Variants in STIM1 observed in about 807,000 individuals in gnomAD.
STIM1 encodes stromal interaction molecule 1.
A neutral mutation model predicts 74.7 loss-of-function variants in STIM1; 25 were observed. The observed-to-expected ratio is 0.33, with a 90% CI of 0.24 to 0.47. STIM1 has a LOEUF of 0.47. Ranked by LOEUF, STIM1 falls within the 20% of genes least tolerant of loss-of-function variation. The pLI is 1.00. For missense variants in STIM1, 728 were observed against 920.8 expected (o/e 0.79, Z 2.71); for synonymous variants, 328 against 348.8 (o/e 0.94, Z 0.66).
chr11:3,855,992 C>T lies in STIM1; in HGVS notation c.-279C>T. ...TGCGGAGCTGACAGCAGCCCCGCAG[C>T]CACCCTGCCCGAAGTCTCCGGAAGC... On this transcript the variant is annotated 5_prime_UTR_variant, in exon 1 of 13. Transcript: ENST00000526596. The T allele has an allele frequency of 2.0e-6, 1 of 504,944 alleles. No homozygotes were observed. Among genetic ancestry groups the T allele is most frequent in the Non-Finnish European group, 3.6e-6 (1 of 276,082 alleles). 31.3% of individuals were successfully genotyped at this position (504,944 alleles called of 1,614,324 possible). A position where few individuals can be genotyped will look rare whatever the true frequency, so the allele number is the denominator to read the frequency against.
intron 1 of STIM1, among the ~76,000 whole-genome samples, chr11:3,909,441 G>A (rs1342393988): frequency 6.6e-6 from 1 of 152,172 alleles, no homozygotes; most frequent in East Asian, 1.9e-4. Context: ...GCTTATGAGA[G>A]ACCCAGGCAG....
intron 12 of STIM1, among the ~76,000 whole-genome samples, chr11:4,087,708 AAC>A (rs2133247386): frequency 6.6e-6 from 1 of 151,700 alleles, no homozygotes; most frequent in East Asian, 1.9e-4. Flanking sequence ...GAATTTGGAA[AAC>A]ATTCCAGTAG....
intron 2 of STIM1, among the ~76,000 whole-genome samples, chr11:4,017,043 C>G (rs909989439): frequency 6.6e-6 from 1 of 152,210 alleles, no homozygotes. Flanking sequence ...AAGGCAATGC[C>G]CCACCCTGCT....
intron 2 of STIM1, among the ~76,000 whole-genome samples, chr11:3,995,694 G>C (rs930736994): frequency 1.3e-5 from 2 of 152,088 alleles, no homozygotes; most frequent in Non-Finnish European, 2.9e-5. Context: ...ACCCAGGCTA[G>C]AGTGCAGTGG....
chr11:4,086,702 TCACCACTACCACCACCACCAC>T (rs2094495673), intron 12 of STIM1, 159 bp downstream of exon 12: 1 of 1,539,066 alleles, frequency 6.5e-7, no homozygotes, highest in Non-Finnish European at 8.7e-7. Flanking sequence ...ATCACCACCA[TCACCACTACCACCACCACCAC>T]CACCACCTTC....
chr11:3,897,434 A>G (rs530694894), intron 1 of STIM1, among the ~76,000 whole-genome samples: 6 of 152,136 alleles, frequency 3.9e-5, no homozygotes, highest in Non-Finnish European at 8.8e-5. Flanking sequence ...GGTCCTGTCT[A>G]TTCTGGGTAA....
chr11:3,861,592 G>A (rs994866311), intron 1 of STIM1, among the ~76,000 whole-genome samples: 5 of 152,156 alleles, frequency 3.3e-5, no homozygotes, highest in Non-Finnish European at 4.4e-5. Context: ...TGAGATATCT[G>A]TAGCAATGTA....
intron 2 of STIM1, among the ~76,000 whole-genome samples, chr11:4,020,480 G>T (rs1330449591): frequency 6.6e-6 from 1 of 151,870 alleles, no homozygotes; most frequent in Non-Finnish European, 1.5e-5. Context: ...TATTTTTTTG[G>T]TAATAGCCAT....
chr11:3,895,074 G>A lies in STIM1; in HGVS notation c.139+38665G>A, dbSNP rs146777726. On this transcript the variant is annotated intron_variant, in intron 1 of 12. Transcript: ENST00000526596. Reference sequence around the variant, plus strand: ...GACCCTGTTCTAAGGAAGGCCAAGGGCAGGAACCTCTTAGCAATAGCTTTG... The same window carrying A: ...GACCCTGTTCTAAGGAAGGCCAAGGACAGGAACCTCTTAGCAATAGCTTTG... 3.5e-3 allele frequency among the ~76,000 whole-genome samples: 533 copies of A among 152,260 alleles called. 2 individuals are homozygous for A. The highest frequency in any genetic ancestry group is 0.012 in the African/African-American group (493 of 41,548).
chr11:3,970,191 C>T (rs1430894166), intron 2 of STIM1, among the ~76,000 whole-genome samples: 2 of 151,728 alleles, frequency 1.3e-5, no homozygotes, highest in Non-Finnish European at 2.9e-5. Flanking sequence ...CAAACTGTTC[C>T]GAAATAACAC....
chr11:3,861,508 C>T (rs1354390609), intron 1 of STIM1, among the ~76,000 whole-genome samples: 3 of 152,178 alleles, frequency 2.0e-5, no homozygotes, highest in African/African-American at 7.2e-5. Flanking sequence ...TGTGGGATTA[C>T]AGGCGTGAGC....
At chr11:3,886,408 G>C (rs2091704462) in intron 1 of STIM1, among the ~76,000 whole-genome samples, 1 of 152,196 alleles carries the variant, frequency 6.6e-6, no homozygotes, top group Admixed American at 6.5e-5. Flanking sequence ...GAGAGACTTG[G>C]CTGGGCGCGG....
chr11:3,897,169 T>C (rs929025077), intron 1 of STIM1, among the ~76,000 whole-genome samples: 1 of 152,212 alleles, frequency 6.6e-6, no homozygotes. Context: ...GTTAATTGTT[T>C]CCAGGAGGGC....
chr11:4,025,073 G>A (rs577533974), intron 3 of STIM1, among the ~76,000 whole-genome samples: 4 of 152,314 alleles, frequency 2.6e-5, no homozygotes, highest in Non-Finnish European at 5.9e-5. Flanking sequence ...TCATTATCAT[G>A]CATTTAGTAG....
chr11:4,011,840 G>A (rs2093839657), intron 2 of STIM1, among the ~76,000 whole-genome samples: 2 of 152,026 alleles, frequency 1.3e-5, no homozygotes, highest in South Asian at 4.2e-4. Context: ...TTTCTTCTAG[G>A]GTTTTTATGG....
chr11:3,991,974 A>AAAAAAAAAAAAAAAAAAAAG (rs2093617447), intron 2 of STIM1, among the ~76,000 whole-genome samples: 24 of 44,480 alleles, frequency 5.4e-4, no homozygotes, highest in Admixed American at 1.2e-3. Flanking sequence ...AAAAAAAAAG[A>AAAAAAAAAAAAAAAAAAAAG]AAAAAAAAAA....
At chr11:3,872,924 A>G (rs1007064380) in intron 1 of STIM1, among the ~76,000 whole-genome samples, 3 of 150,724 alleles carry the variant, frequency 2.0e-5, no homozygotes, top group South Asian at 4.2e-4. Context: ...TTAATGCACA[A>G]GTATTACTGT....
chr11:4,092,417 AC>A lies in STIM1; in HGVS notation c.*622del, dbSNP rs916501168. On this transcript the variant is annotated 3_prime_UTR_variant, in exon 13 of 13. Coordinates refer to ENST00000526596, the MANE Select transcript of STIM1 (RefSeq NM_001382567.1). The stretch of plus-strand genomic sequence containing the variant: ...GAGTGAAACCAATTCTCAGAGAACA[AC>A]CCACCAGAGACTTTTAAAGAGAGGC... 3.1e-5 allele frequency: 5 copies of A among 162,832 alleles called. No homozygotes were observed. The highest frequency in any genetic ancestry group is 1.2e-4 in the African/African-American group (5 of 41,540). The allele number at this position is 162,832 out of a possible 1,614,324, so 10.1% of individuals were successfully genotyped here.
At chr11:3,909,808 GA>G (rs1448440597) in intron 1 of STIM1, among the ~76,000 whole-genome samples, 1 of 125,218 alleles carries the variant, frequency 8.0e-6, no homozygotes, top group Non-Finnish European at 1.7e-5. Context: ...AAAAAAAAAA[GA>G]AAAAAAAAGT....
Sources: allele counts gnomAD v4.1 joint callset (sites outside exome capture counted in the v4.1 genomes callset), GRCh38; gene constraint gnomAD v4.1.1; transcripts MANE v1.5; gene names NCBI Gene and HGNC (gene_info 2026-07-23, HGNC 2026-07-21).